Variants in PRMT9 observed in about 807,000 individuals in gnomAD.
The protein encoded by PRMT9 is protein arginine methyltransferase 9, also known as protein arginine N-methyltransferase 9.
Under a neutral mutation model 83.2 loss-of-function variants are expected in PRMT9, and 59 were observed. That is an observed-to-expected ratio of 0.71 (90% CI 0.57 to 0.88). The LOEUF (loss-of-function observed/expected upper bound fraction) is 0.88. Ranked by LOEUF, PRMT9 falls within the 40% of genes least tolerant of loss-of-function variation. The pLI is 0.00. For missense variants in PRMT9, 947 were observed against 1,021.9 expected (o/e 0.93, Z 1.00); for synonymous variants, 333 against 353.2 (o/e 0.94, Z 0.64).
At chr4:147,665,167 T>C (rs1036049424) in intron 6 of PRMT9, among the ~76,000 whole-genome samples, 27 of 149,448 alleles carry the variant, frequency 1.8e-4, no homozygotes, top group African/African-American at 7.3e-5. Flanking sequence ...TTCTTCCCTA[T>C]ATACTTACAA....
Position 147,653,894 on chromosome 4 carries a change from C to A in PRMT9, c.2003G>T (p.Gly668Val). The A allele has an allele frequency of 6.2e-7, 1 of 1,613,976 alleles. No individual in the cohort carries two copies. The highest frequency in any genetic ancestry group is 8.5e-7 in the Non-Finnish European group (1 of 1,180,010). Residue 668 changes from glycine to valine, a missense_variant, in exon 9 of 12, where the codon GGG (glycine) becomes GTG (valine). Gly to Val is a moderately radical substitution (Grantham distance 109, BLOSUM62 -3). Transcript: ENST00000322396. The stretch of plus-strand genomic sequence containing the variant: ...TTCCATTATTTCCTGCTGAATGAGC[C>A]CAGATGGCTCAATGACATCCAATAT... ...IIILDVIEPS[G>V]LIQQEIMEKA...
intron 8 of PRMT9, among the ~76,000 whole-genome samples, chr4:147,656,501 G>A (rs1048690258): frequency 2.6e-5 from 4 of 151,810 alleles, no homozygotes; most frequent in Admixed American, 1.3e-4. Context: ...AGCCGGGCAC[G>A]GTGGCTCACA....
chr4:147,651,672 A>G (rs745430011), intron 9 of PRMT9, among the ~76,000 whole-genome samples: 6 of 152,204 alleles, frequency 3.9e-5, no homozygotes, highest in Non-Finnish European at 5.9e-5. Context: ...ATACTACAAC[A>G]TGGATGAACC....
chr4:147,657,765 T>C (rs1734618518), intron 8 of PRMT9, 27 bp downstream of exon 8: 2 of 1,581,082 alleles, frequency 1.3e-6, no homozygotes, highest in African/African-American at 2.7e-5. Context: ...AAGCAAGAGG[T>C]TAAAAAAAAA....
chr4:147,640,304 C>A (rs1295420076), intron 10 of PRMT9, among the ~76,000 whole-genome samples: 2 of 151,886 alleles, frequency 1.3e-5, no homozygotes, highest in African/African-American at 4.8e-5. Flanking sequence ...AACTCCTGGA[C>A]TCAAACAATC....
intron 10 of PRMT9, among the ~76,000 whole-genome samples, chr4:147,641,319 T>C (rs1393338902): frequency 6.6e-6 from 1 of 152,180 alleles, no homozygotes; most frequent in Non-Finnish European, 1.5e-5. Flanking sequence ...GCATCTCTCA[T>C]CACTCTCCCT....
At chr4:147,668,968 C>A (rs927633061) in intron 5 of PRMT9, among the ~76,000 whole-genome samples, 1 of 152,092 alleles carries the variant, frequency 6.6e-6, no homozygotes, top group Non-Finnish European at 1.5e-5. Context: ...CGCCTGTAGT[C>A]CCAGCTACTT....
At chr4:147,645,608 A>G (rs1733676248) in intron 9 of PRMT9, among the ~76,000 whole-genome samples, 1 of 152,256 alleles carries the variant, frequency 6.6e-6, no homozygotes, top group Admixed American at 6.5e-5. Flanking sequence ...ATGGTTCAGT[A>G]AACTAAACAA....
At chr4:147,663,333 TA>T (rs1159647706) in intron 6 of PRMT9, among the ~76,000 whole-genome samples, 2 of 150,906 alleles carry the variant, frequency 1.3e-5, no homozygotes, top group Non-Finnish European at 3.0e-5. Context: ...AACTCAAAAT[TA>T]AAAGTCACAA....
chr4:147,644,521 A>G (rs1225497517), intron 9 of PRMT9, among the ~76,000 whole-genome samples: 1 of 143,218 alleles, frequency 7.0e-6, no homozygotes, highest in Non-Finnish European at 1.5e-5. Flanking sequence ...TGTGTTTATC[A>G]GGAACACTGC....
intron 10 of PRMT9, 107 bp from the exon 11 acceptor site, chr4:147,639,189 G>T (rs900306760): frequency 1.3e-5 from 14 of 1,104,570 alleles, no homozygotes; most frequent in Non-Finnish European, 1.8e-5. Context: ...CTTTGTACTT[G>T]ACTCAATAGT....
chr4:147,668,264 G>A (rs1458626893), intron 6 of PRMT9, among the ~76,000 whole-genome samples: 1 of 152,128 alleles, frequency 6.6e-6, no homozygotes, highest in Non-Finnish European at 1.5e-5. Flanking sequence ...CTCATGATAG[G>A]GAGTGAATTC....
intron 2 of PRMT9, among the ~76,000 whole-genome samples, chr4:147,674,906 C>G (rs1045814769): frequency 6.6e-6 from 1 of 152,250 alleles, no homozygotes; most frequent in Non-Finnish European, 1.5e-5. Context: ...TGGAACAGAA[C>G]TGAGCTAGTA....
At chr4:147,666,765 C>T (rs950321707) in intron 6 of PRMT9, among the ~76,000 whole-genome samples, 1 of 147,334 alleles carries the variant, frequency 6.8e-6, no homozygotes, top group South Asian at 2.1e-4. Context: ...GTAGCACTCA[C>T]ATTTATTTTG....
Position 147,638,516 on chromosome 4 carries a change from A to T in PRMT9, c.*16T>A, listed in dbSNP as rs1466098783. ...TTGATGCTCTATTTACACAGTTTTCATTGGAAAACTGCTCTTCATTGCTTT... is the reference window on the plus strand; with the variant it reads ...TTGATGCTCTATTTACACAGTTTTCTTTGGAAAACTGCTCTTCATTGCTTT... On this transcript the variant is annotated 3_prime_UTR_variant, in exon 12 of 12. Coordinates refer to ENST00000322396, the MANE Select transcript of PRMT9 (RefSeq NM_138364.4). 5.6e-6 allele frequency: 9 copies of T among 1,596,724 alleles called. No homozygotes were observed. The highest frequency in any genetic ancestry group is 6.9e-6 in the Non-Finnish European group (8 of 1,164,512).
intron 9 of PRMT9, among the ~76,000 whole-genome samples, chr4:147,650,379 G>C (rs1477348521): frequency 2.0e-5 from 3 of 152,104 alleles, no homozygotes; most frequent in African/African-American, 7.2e-5. Context: ...GCATGTACTA[G>C]CAAAGGCTAA....
chr4:147,657,165 C>T (rs1371311786), intron 8 of PRMT9, among the ~76,000 whole-genome samples: 3 of 152,102 alleles, frequency 2.0e-5, no homozygotes, highest in Non-Finnish European at 4.4e-5. Flanking sequence ...AACTCCTGCA[C>T]TAAAAGCAAT....
At position 147,638,985 on chromosome 4, in the gene PRMT9, A is replaced by G; in HGVS notation, c.2297T>C (p.Leu766Ser). Residue 766 changes from leucine to serine, a missense_variant, in exon 11 of 12, where the codon TTG (leucine) becomes TCG (serine). Transcript: ENST00000322396. ...LLRLDLMTPYLNTSNREVKVY... is the reference protein window; with the variant it reads ...LLRLDLMTPYSNTSNREVKVY... ...CTTTACTTCTCTGTTAGAGGTGTTCAAATACGGAGTCATTAAATCTAGTCT... is the reference window on the plus strand; with the variant it reads ...CTTTACTTCTCTGTTAGAGGTGTTCGAATACGGAGTCATTAAATCTAGTCT... 6.2e-7 allele frequency: 1 copy of G among 1,612,682 alleles called. No homozygotes were observed.
chr4:147,650,878 A>G (rs367738835), intron 9 of PRMT9, among the ~76,000 whole-genome samples: 12 of 152,310 alleles, frequency 7.9e-5, no homozygotes, highest in South Asian at 4.1e-4. Flanking sequence ...CAAGGCGGGC[A>G]GATCACAAGG....
Sources: gnomAD v4.1 joint callset for allele counts (sites outside exome capture counted in the v4.1 genomes callset) on GRCh38, gnomAD v4.1.1 for gene constraint, MANE v1.5 for transcripts, NCBI Gene and HGNC (gene_info 2026-07-23, HGNC 2026-07-21) for gene names.